ZMAT4: variants seen among roughly 807,000 people sequenced by gnomAD.
ZMAT4 encodes zinc finger matrin-type protein 4.
ZMAT4 carries 17 observed loss-of-function variants against 28.7 expected under a neutral mutation model. That is an observed-to-expected ratio of 0.59 (90% CI 0.41 to 0.89). ZMAT4 has a LOEUF of 0.89. ZMAT4 is among the 40% of genes least tolerant of loss of function. The pLI, the probability that ZMAT4 is intolerant of heterozygous loss-of-function variation, is 0.00. For synonymous variants in ZMAT4, 117 were observed against 109.2 expected, an observed-to-expected ratio of 1.07 and a Z score of -0.44; for missense variants, 240 against 283.8, an observed-to-expected ratio of 0.85 and a Z score of 1.11.
intron 3 of ZMAT4, among the ~76,000 whole-genome samples, chr8:40,719,956 G>T (rs1585934825): frequency 1.3e-5 from 2 of 152,308 alleles, no homozygotes; most frequent in East Asian, 3.9e-4. Context: ...GCTTCTCCAA[G>T]GTGAGTCCTG....
chr8:40,867,942 AAATT>A (rs1402740806), intron 1 of ZMAT4, among the ~76,000 whole-genome samples: 1 of 152,136 alleles, frequency 6.6e-6, no homozygotes, highest in Middle Eastern at 3.2e-3. Context: ...TAAAAAAAAA[AAATT>A]AAAGGATTTG....
chr8:40,795,497 C>T (rs577605059), intron 2 of ZMAT4, among the ~76,000 whole-genome samples: 9 of 152,158 alleles, frequency 5.9e-5, no homozygotes, highest in Non-Finnish European at 1.3e-4. Context: ...CAATTCAGAG[C>T]CTAGGCTGTC....
intron 5 of ZMAT4, among the ~76,000 whole-genome samples, chr8:40,583,873 T>A (rs1390120449): frequency 6.6e-6 from 1 of 152,128 alleles, no homozygotes; most frequent in Non-Finnish European, 1.5e-5. Flanking sequence ...CAGAATTTAG[T>A]CTGGCTCAGC....
intron 2 of ZMAT4, among the ~76,000 whole-genome samples, chr8:40,792,123 C>T (rs1814353738): frequency 6.6e-6 from 1 of 152,136 alleles, no homozygotes; most frequent in Non-Finnish European, 1.5e-5. Flanking sequence ...ACAAAAAAAT[C>T]CTATGTTTCA....
At chr8:40,856,479 G>A (rs1215477611) in intron 1 of ZMAT4, among the ~76,000 whole-genome samples, 3 of 152,204 alleles carry the variant, frequency 2.0e-5, no homozygotes, top group Non-Finnish European at 4.4e-5. Context: ...TTAAAGCATG[G>A]AGGTAAATGG....
At chr8:40,760,164 G>A (rs4342575) in intron 3 of ZMAT4, among the ~76,000 whole-genome samples, 142,229 of 152,196 alleles carry the variant, frequency 0.93, 67,061 homozygotes, top group Non-Finnish European at 1. Flanking sequence ...GCAGAGAAAC[G>A]TTCCTGTTTA....
chr8:40,881,716 CTCCCCAAAGCCCATGGTA>C (rs1818282751), intron 1 of ZMAT4, among the ~76,000 whole-genome samples: 1 of 152,192 alleles, frequency 6.6e-6, no homozygotes, highest in Non-Finnish European at 1.5e-5. Flanking sequence ...AAAAACAGCT[CTCCCCAAAGCCCATGGTA>C]TCAGAACACC....
At chr8:40,838,999 G>T (rs1816601340) in intron 1 of ZMAT4, among the ~76,000 whole-genome samples, 1 of 152,186 alleles carries the variant, frequency 6.6e-6, no homozygotes, top group South Asian at 2.1e-4. Context: ...CCTGGAAAGT[G>T]ATGAAACTTA....
At chr8:40,592,864 G>A (rs775246564) in intron 5 of ZMAT4, among the ~76,000 whole-genome samples, 7 of 152,296 alleles carry the variant, frequency 4.6e-5, no homozygotes, top group African/African-American at 9.6e-5. Context: ...GGTCTTGGAC[G>A]TGGTCACTAT....
chr8:40,806,063 G>A (rs1238841296), intron 2 of ZMAT4, among the ~76,000 whole-genome samples: 1 of 152,032 alleles, frequency 6.6e-6, no homozygotes, highest in Non-Finnish European at 1.5e-5. Context: ...CACGAAAAAG[G>A]GGAACATTTC....
intron 5 of ZMAT4, among the ~76,000 whole-genome samples, chr8:40,666,579 T>C (rs987619545): frequency 3.9e-5 from 6 of 152,160 alleles, no homozygotes; most frequent in African/African-American, 1.4e-4. Flanking sequence ...TTAAAGTATA[T>C]ACTAATAACA....
At chr8:40,801,206 T>G (rs1002902427) in intron 2 of ZMAT4, among the ~76,000 whole-genome samples, 1 of 151,390 alleles carries the variant, frequency 6.6e-6, no homozygotes, top group South Asian at 2.1e-4. Context: ...CTATATATAT[T>G]AGAGAAATTG....
chr8:40,785,704 G>A (rs1164970081), intron 2 of ZMAT4, among the ~76,000 whole-genome samples: 1 of 152,154 alleles, frequency 6.6e-6, no homozygotes, highest in Non-Finnish European at 1.5e-5. Flanking sequence ...ACTGACAAGT[G>A]TTTAACCAAT....
At chr8:40,597,383 A>G (rs1299765410) in intron 5 of ZMAT4, among the ~76,000 whole-genome samples, 4 of 152,208 alleles carry the variant, frequency 2.6e-5, no homozygotes, top group Non-Finnish European at 5.9e-5. Context: ...ACTGGTGTGC[A>G]GGCCACTTGC....
intron 5 of ZMAT4, among the ~76,000 whole-genome samples, chr8:40,597,316 C>T (rs1477041532): frequency 6.6e-6 from 1 of 152,178 alleles, no homozygotes; most frequent in African/African-American, 2.4e-5. Flanking sequence ...AATAGGATTA[C>T]TCTAACTCTT....
intron 3 of ZMAT4, among the ~76,000 whole-genome samples, chr8:40,712,215 CTT>C (rs1224121619): frequency 1.3e-5 from 2 of 152,144 alleles, no homozygotes; most frequent in African/African-American, 4.8e-5. Flanking sequence ...ATAAGGCAGT[CTT>C]GAGAATTAAA....
chr8:40,659,577 T>A (rs548160807), intron 5 of ZMAT4, among the ~76,000 whole-genome samples: 1 of 152,188 alleles, frequency 6.6e-6, no homozygotes, highest in Non-Finnish European at 1.5e-5. Flanking sequence ...AGTGCATCAT[T>A]AAACATAAGC....
In ZMAT4 at chr8:40,850,614, G is replaced by T. The variant is rs547902858; in HGVS notation, c.-4-24934C>A. On this transcript the variant is annotated intron_variant, in intron 1 of 6. Transcript: ENST00000297737. Reference sequence around the variant, plus strand: ...ATAGGCACTTGGAAAACATTTGTGGGCTGGCTAAATGAAGTGCTTTATCTA... The same window carrying T: ...ATAGGCACTTGGAAAACATTTGTGGTCTGGCTAAATGAAGTGCTTTATCTA... Among the ~76,000 whole-genome samples the T allele has an allele frequency of 6.5e-4, 99 of 152,296 alleles. 1 individual carries two copies. Among genetic ancestry groups the T allele is most frequent in the African/African-American group, 2.3e-3 (96 of 41,560 alleles).
At chr8:40,723,096 G>A (rs922810097) in intron 3 of ZMAT4, among the ~76,000 whole-genome samples, 2 of 152,152 alleles carry the variant, frequency 1.3e-5, no homozygotes, top group Non-Finnish European at 2.9e-5. Flanking sequence ...TTAAAAGTGA[G>A]AAACTAACCA....
Sources: allele counts gnomAD v4.1 joint callset (sites outside exome capture counted in the v4.1 genomes callset), GRCh38; gene constraint gnomAD v4.1.1; transcripts MANE v1.5; gene names NCBI Gene and HGNC (gene_info 2026-07-23, HGNC 2026-07-21).